SRBD1: variants seen among roughly 807,000 people sequenced by gnomAD.
SRBD1 encodes the protein S1 RNA binding domain 1, also known as S1 RNA-binding domain-containing protein 1.
Under a neutral mutation model 115.3 loss-of-function variants are expected in SRBD1, and 88 were observed. The observed-to-expected ratio is 0.76, with a 90% CI of 0.64 to 0.91. The LOEUF (loss-of-function observed/expected upper bound fraction) is 0.91, where lower values mean the gene tolerates loss of function less well. Ranked by LOEUF, SRBD1 falls within the 40% of genes least tolerant of loss-of-function variation. The pLI is 0.00. For missense variants in SRBD1, 1,385 were observed against 1,177.4 expected, an observed-to-expected ratio of 1.18 and a Z score of -2.58; for synonymous variants, 509 against 407.7, an observed-to-expected ratio of 1.25 and a Z score of -2.99.
chr2:45,414,788 AGTGTGTATATAGTATG>A (rs1667746620), intron 18 of SRBD1, among the ~76,000 whole-genome samples: 4 of 77,078 alleles, frequency 5.2e-5, no homozygotes, highest in African/African-American at 1.5e-4. Flanking sequence ...ACACACACAT[AGTGTGTATATAGTATG>A]TACACACACA....
intron 8 of SRBD1, among the ~76,000 whole-genome samples, 157 bp downstream of exon 8, chr2:45,574,470 T>C (rs1673115723): frequency 6.6e-6 from 1 of 152,172 alleles, no homozygotes; most frequent in African/African-American, 2.4e-5. Flanking sequence ...TTATCTGTTT[T>C]ATATATTTGG....
In SRBD1 at chr2:45,393,106, G is replaced by A. The variant is rs778651028; in HGVS notation, c.2537C>T (p.Thr846Ile). 15 of 1,611,118 alleles carry A rather than the reference G, an allele frequency of 9.3e-6. 1 individual carries two copies. The East Asian group carries it at 3.1e-4, about 34-fold the overall frequency. ...AMRFLSSIGG[T>I]LYEVGKPEMQ... ...TTCAGGCTTTCCAACCTCATACAGT[G>A]TCCCTCCAATGGATGACAAAAACCT... is the stretch of plus-strand genomic sequence containing the variant. Residue 846 changes from threonine to isoleucine, a missense_variant, in exon 20 of 21, where the codon ACA becomes ATA. Thr to Ile is a moderately conservative substitution (Grantham distance 89). Coordinates refer to ENST00000263736, the MANE Select transcript of SRBD1 (RefSeq NM_018079.5).
At chr2:45,404,426 T>C (rs1449001806) in intron 19 of SRBD1, among the ~76,000 whole-genome samples, 4 of 152,164 alleles carry the variant, frequency 2.6e-5, no homozygotes, top group Non-Finnish European at 5.9e-5. Flanking sequence ...CTTTTCCCTT[T>C]TCCACTCCCC....
intron 18 of SRBD1, among the ~76,000 whole-genome samples, chr2:45,413,794 G>GGTGC (rs1667676846): frequency 1.3e-5 from 2 of 151,932 alleles, no homozygotes; most frequent in South Asian, 4.2e-4. Flanking sequence ...TGGGTGTGGT[G>GGTGC]GTGCATGCCT....
chr2:45,450,672 T>C (rs1386670744), intron 16 of SRBD1, among the ~76,000 whole-genome samples: 1 of 152,138 alleles, frequency 6.6e-6, no homozygotes, highest in Non-Finnish European at 1.5e-5. Context: ...TTGGGATGAA[T>C]ACCCATCAAG....
chr2:45,507,759 A>G (rs931813678), intron 14 of SRBD1, among the ~76,000 whole-genome samples: 3 of 151,968 alleles, frequency 2.0e-5, no homozygotes, highest in Admixed American at 1.3e-4. Context: ...AATAATAATA[A>G]TAATAATCCA....
intron 12 of SRBD1, among the ~76,000 whole-genome samples, chr2:45,550,552 T>C (rs953989502): frequency 1.3e-5 from 2 of 149,876 alleles, no homozygotes; most frequent in African/African-American, 4.9e-5. Context: ...AATCTTGAAT[T>C]CTACACCAAG....
At chr2:45,548,031 T>C (rs917797521) in intron 12 of SRBD1, among the ~76,000 whole-genome samples, 3 of 151,954 alleles carry the variant, frequency 2.0e-5, no homozygotes, top group Admixed American at 6.5e-5. Context: ...AGCTTTTCTA[T>C]ATTGCATTAT....
intron 16 of SRBD1, among the ~76,000 whole-genome samples, chr2:45,423,698 C>T (rs1343772517): frequency 6.6e-6 from 1 of 152,048 alleles, no homozygotes; most frequent in East Asian, 1.9e-4. Flanking sequence ...TTCTATGAGG[C>T]CAGCATTACC....
At chr2:45,596,660 G>A (rs1352966670) in intron 4 of SRBD1, among the ~76,000 whole-genome samples, 3 of 152,072 alleles carry the variant, frequency 2.0e-5, no homozygotes, top group Non-Finnish European at 2.9e-5. Flanking sequence ...TCATGATAAT[G>A]TAGTAAACAA....
chr2:45,542,260 C>T (rs1282125874), intron 14 of SRBD1, among the ~76,000 whole-genome samples: 1 of 152,256 alleles, frequency 6.6e-6, no homozygotes, highest in African/African-American at 2.4e-5. Context: ...AGTGCCTAGG[C>T]TCGGCCACAA....
At chr2:45,533,020 T>C (rs561100132) in intron 14 of SRBD1, among the ~76,000 whole-genome samples, 6 of 152,170 alleles carry the variant, frequency 3.9e-5, no homozygotes, top group Admixed American at 6.6e-5. Flanking sequence ...AGAAAAAACC[T>C]AGATATTCCC....
rs371202672 is a variant in SRBD1, at chr2:45,602,073, A to G, written c.91T>C (p.Ser31Pro). Reference protein sequence around the residue: ...FSSFSELSSASEEDDKEDSAW... With the variant: ...FSSFSELSSAPEEDDKEDSAW... ...CTATCTTCCTTGTCATCTTCTTCAGAGGCAGATGATCTAGAAGTAAATCAA... is the reference window on the plus strand; with the variant it reads ...CTATCTTCCTTGTCATCTTCTTCAGGGGCAGATGATCTAGAAGTAAATCAA... The change falls in exon 3 of 21, where the codon TCT becomes CCT. Residue 31 changes from serine to proline, a missense_variant. Ser to Pro is a moderately conservative substitution (Grantham distance 74, BLOSUM62 -1). Transcript: ENST00000263736. 3 of 1,613,342 alleles carry G rather than the reference A, an allele frequency of 1.9e-6. No homozygotes were observed. Among genetic ancestry groups the G allele is most frequent in the East Asian group, 4.5e-5 (2 of 44,894 alleles).
chr2:45,522,770 A>G (rs182638371), intron 14 of SRBD1, among the ~76,000 whole-genome samples: 44 of 152,232 alleles, frequency 2.9e-4, no homozygotes, highest in African/African-American at 1.0e-3. Context: ...CTTTCTTACA[A>G]TTTTCTTAAC....
intron 14 of SRBD1, among the ~76,000 whole-genome samples, chr2:45,504,483 A>C (rs1670738277): frequency 6.6e-6 from 1 of 152,192 alleles, no homozygotes; most frequent in Non-Finnish European, 1.5e-5. Context: ...CAGAGATTCA[A>C]GATAAAGATC....
chr2:45,583,225 A>G (rs1314427141), intron 5 of SRBD1, among the ~76,000 whole-genome samples: 4 of 150,464 alleles, frequency 2.7e-5, no homozygotes, highest in Non-Finnish European at 5.9e-5. Context: ...AAAAAAAAAA[A>G]CTAAAGGCAG....
At chr2:45,391,073 T>G (rs1321641023) in intron 20 of SRBD1, among the ~76,000 whole-genome samples, 2 of 151,810 alleles carry the variant, frequency 1.3e-5, no homozygotes, top group African/African-American at 4.8e-5. Flanking sequence ...ATTCTTTCTC[T>G]CTCTCTCTTT....
intron 16 of SRBD1, among the ~76,000 whole-genome samples, chr2:45,460,012 C>A (rs1474885919): frequency 2.0e-5 from 3 of 152,138 alleles, no homozygotes; most frequent in Admixed American, 2.0e-4. Context: ...GTTATGTGCC[C>A]AAGGTATGAC....
chr2:45,605,051 T>A (rs1045377531), intron 2 of SRBD1, among the ~76,000 whole-genome samples: 1 of 152,344 alleles, frequency 6.6e-6, no homozygotes, highest in Admixed American at 6.5e-5. Context: ...ACAATGTCAG[T>A]AGTGCAGAGG....
Sources: allele counts gnomAD v4.1 joint callset (sites outside exome capture counted in the v4.1 genomes callset), GRCh38; gene constraint gnomAD v4.1.1; transcripts MANE v1.5; gene names NCBI Gene and HGNC (gene_info 2026-07-23, HGNC 2026-07-21).